Variants in SORCS2 observed in about 807,000 individuals in gnomAD.
SORCS2 encodes sortilin related VPS10 domain containing receptor 2.
Under a neutral mutation model 141.6 loss-of-function variants are expected in SORCS2, and 100 were observed. That is an observed-to-expected ratio of 0.71 (90% confidence interval 0.60 to 0.83). SORCS2 has a LOEUF of 0.83. SORCS2 is among the 40% of genes least tolerant of loss of function. SORCS2 has a pLI of 0.00. For missense variants in SORCS2, 1,646 were observed against 1,560.2 expected (o/e 1.05, Z -0.93); for synonymous variants, 789 against 676.9 (o/e 1.17, Z -2.57).
intron 3 of SORCS2, among the ~76,000 whole-genome samples, chr4:7,615,924 A>G (rs1247433012): frequency 3.9e-5 from 6 of 152,238 alleles, no homozygotes; most frequent in African/African-American, 1.4e-4. Context: ...TGAATTTTAT[A>G]TATCAACCAG....
intron 1 of SORCS2, among the ~76,000 whole-genome samples, chr4:7,231,101 T>C (rs1014028378): frequency 6.6e-6 from 1 of 152,260 alleles, no homozygotes. Context: ...TATAAGGAAC[T>C]GGCTCACATA....
intron 1 of SORCS2, among the ~76,000 whole-genome samples, chr4:7,339,077 G>C (rs889974991): frequency 1.3e-5 from 2 of 152,240 alleles, no homozygotes; most frequent in East Asian, 1.9e-4. Flanking sequence ...CACAGATGTG[G>C]TATCACCTGC....
chr4:7,387,638 C>A (rs1317740991), intron 1 of SORCS2, among the ~76,000 whole-genome samples: 1 of 143,614 alleles, frequency 7.0e-6, no homozygotes, highest in Admixed American at 6.9e-5. Flanking sequence ...CACACACGCA[C>A]ACACATGCCC....
intron 3 of SORCS2, among the ~76,000 whole-genome samples, chr4:7,587,681 G>A (rs373879345): frequency 2.0e-5 from 3 of 152,126 alleles, no homozygotes; most frequent in South Asian, 2.1e-4. Context: ...GGGGAGGTAG[G>A]GGGCACAGCT....
chr4:7,490,597 C>T (rs973257733), intron 2 of SORCS2, among the ~76,000 whole-genome samples: 10 of 152,152 alleles, frequency 6.6e-5, no homozygotes, highest in Non-Finnish European at 1.3e-4. Flanking sequence ...GTGAGGATGG[C>T]AGACATGCAG....
Position 7,714,366 on chromosome 4 carries a change from T to C in SORCS2, c.2116T>C (p.Phe706Leu), listed in dbSNP as rs549403213. 121 of 1,553,656 alleles carry C rather than the reference T, an allele frequency of 7.8e-5. No homozygotes were observed. Among genetic ancestry groups the C allele is most frequent in the Non-Finnish European group, 1.0e-4 (120 of 1,148,384 alleles). The change falls in exon 16 of 27, where the codon TTC becomes CTC. Residue 706 changes from phenylalanine (F) to leucine (L), a missense_variant. Transcript: ENST00000507866. ...SRVCECRDSDFLCDYGFERSS... is the reference protein window; with the variant it reads ...SRVCECRDSDLLCDYGFERSS... ...CGTGTGCGAGTGCCGGGACTCGGAC[T>C]TCCTGTGGTGAGCGACGGGCTCCTG...
chr4:7,730,682 C>G (rs764178080), intron 23 of SORCS2, among the ~76,000 whole-genome samples: 8 of 152,184 alleles, frequency 5.3e-5, no homozygotes, highest in African/African-American at 9.7e-5. Flanking sequence ...ATGCCCAGAA[C>G]AGGCAAATCC....
chr4:7,371,481 C>G (rs73796660), intron 1 of SORCS2, among the ~76,000 whole-genome samples: 115 of 152,258 alleles, frequency 7.6e-4, no homozygotes, highest in African/African-American at 2.7e-3. Flanking sequence ...TTCCACATTT[C>G]GTTGTGTTGG....
chr4:7,211,322 G>A (rs935378977), intron 1 of SORCS2, among the ~76,000 whole-genome samples: 1 of 152,100 alleles, frequency 6.6e-6, no homozygotes, highest in African/African-American at 2.4e-5. Context: ...CGTCCACGAC[G>A]GGGGGCAGGC....
chr4:7,335,918 C>T (rs983583977), intron 1 of SORCS2, among the ~76,000 whole-genome samples: 3 of 152,206 alleles, frequency 2.0e-5, no homozygotes, highest in Admixed American at 6.5e-5. Flanking sequence ...ACCTGAGCTG[C>T]CAGGGTTAGG....
At chr4:7,310,901 T>G (rs772627743) in intron 1 of SORCS2, among the ~76,000 whole-genome samples, 11 of 152,260 alleles carry the variant, frequency 7.2e-5, no homozygotes, top group Non-Finnish European at 1.6e-4. Flanking sequence ...ACCAGCTTTC[T>G]GCAGGGTTTC....
rs200484541 is a variant in SORCS2, at chr4:7,330,833, AC to A, written c.481-65450del. On this transcript the variant is annotated intron_variant, in intron 1 of 26. Transcript: ENST00000507866. ...GCAAGCTAGGGTGCCCCCTAGGCAC[AC>A]CCCCAACACCTCTCCCACCACGTGT... 4.1e-3 allele frequency among the ~76,000 whole-genome samples: 624 copies of A among 151,710 alleles called. 7 individuals are homozygous for A. Among genetic ancestry groups the A allele is most frequent in the African/African-American group, 0.014 (589 of 41,366 alleles).
chr4:7,366,990 A>C (rs1721938414), intron 1 of SORCS2, among the ~76,000 whole-genome samples: 3 of 152,202 alleles, frequency 2.0e-5, no homozygotes, highest in African/African-American at 7.2e-5. Flanking sequence ...TATCAGATGG[A>C]TATAGGCTAG....
intron 1 of SORCS2, among the ~76,000 whole-genome samples, chr4:7,282,755 C>T (rs999135102): frequency 3.9e-5 from 6 of 152,128 alleles, no homozygotes; most frequent in South Asian, 2.1e-4. Context: ...ATAGTCTCAC[C>T]GCGAGGCTCA....
At chr4:7,360,467 C>A (rs570335266) in intron 1 of SORCS2, among the ~76,000 whole-genome samples, 1 of 151,746 alleles carries the variant, frequency 6.6e-6, no homozygotes, top group African/African-American at 2.4e-5. Flanking sequence ...CCTGGGATGG[C>A]TCTCCCTGAG....
rs577705054 is a variant in SORCS2 at position 7,511,410 on chromosome 4, G to C, written c.549-20120G>C. 5.9e-4 allele frequency among the ~76,000 whole-genome samples: 87 copies of C among 146,366 alleles called. 1 individual carries two copies. The highest frequency in any genetic ancestry group is 2.2e-3 in the African/African-American group (87 of 40,116). ...GCCAGAGATCCCTGCAGAGAGAGAGGGGGAGGGAGAGAGGGGCGGGGTTGG... is the reference window on the plus strand; with the variant it reads ...GCCAGAGATCCCTGCAGAGAGAGAGCGGGAGGGAGAGAGGGGCGGGGTTGG... On this transcript the variant is annotated intron_variant, in intron 2 of 26. Coordinates refer to ENST00000507866, the MANE Select transcript of SORCS2 (RefSeq NM_020777.3).
At position 7,418,641 on chromosome 4, in the gene SORCS2, G is replaced by A. The variant is rs142384825; in HGVS notation, c.548+22286G>A. 5.0e-3 allele frequency among the ~76,000 whole-genome samples: 755 copies of A among 151,886 alleles called. 3 individuals carry two copies. The highest frequency in any genetic ancestry group is 8.4e-3 in the Non-Finnish European group (568 of 67,970). ...GTGATGGAAGCTGTGCCCTCTGCGG[G>A]ATGAACATTGAAGTTGCAGTGAGGG... On this transcript the variant is annotated intron_variant, in intron 2 of 26. Coordinates refer to ENST00000507866, the MANE Select transcript of SORCS2 (RefSeq NM_020777.3).
chr4:7,682,612 G>A (rs1012519841), intron 9 of SORCS2, 131 bp from the exon 10 acceptor site: 1 of 887,456 alleles, frequency 1.1e-6, no homozygotes, highest in Non-Finnish European at 1.7e-6. Flanking sequence ...TGTCTCAGCT[G>A]CTGGACATTG....
At chr4:7,375,504 G>T (rs544152950) in intron 1 of SORCS2, among the ~76,000 whole-genome samples, 2 of 152,286 alleles carry the variant, frequency 1.3e-5, no homozygotes, top group African/African-American at 4.8e-5. Context: ...GGCCCAGCCA[G>T]TGAGAAGCCT....
Sources: gnomAD v4.1 joint callset for allele counts (sites outside exome capture counted in the v4.1 genomes callset) on GRCh38, gnomAD v4.1.1 for gene constraint, MANE v1.5 for transcripts, NCBI Gene and HGNC (gene_info 2026-07-23, HGNC 2026-07-21) for gene names.